The following MRPS35 variants were observed in gnomAD, a reference collection of about 807,000 sequenced individuals.
The protein encoded by MRPS35 is small ribosomal subunit protein mS35.
MRPS35 carries 29 observed loss-of-function variants against 32.7 expected under a neutral mutation model. The observed-to-expected ratio is 0.89, with a 90% CI of 0.66 to 1.21. MRPS35 has a LOEUF of 1.21. Ranked by LOEUF, MRPS35 falls within the 50% of genes most tolerant of loss-of-function variation. The probability of loss-of-function intolerance (pLI) is 0.00; values close to 1 mark genes in which losing one functional copy is unlikely to be tolerated. For synonymous variants in MRPS35, 148 were observed against 139.3 expected (o/e 1.06, Z -0.44); for missense variants, 373 against 383.8 (o/e 0.97, Z 0.23).
chr12:27,753,692 C>A (rs2062015171), intron 7 of MRPS35, among the ~76,000 whole-genome samples: 1 of 151,580 alleles, frequency 6.6e-6, no homozygotes. Flanking sequence ...GCCTGTAGCT[C>A]AGAATATTAT....
intron 5 of MRPS35, among the ~76,000 whole-genome samples, chr12:27,726,042 T>C (rs7969297): frequency 0.12 from 18,332 of 151,938 alleles, 1,385 homozygotes; most frequent in East Asian, 0.18. Context: ...ATTCCTGGAC[T>C]CAGGCGATCT....
Position 27,733,038 on chromosome 12 carries a change from A to ATATC in MRPS35, c.523-2408_523-2405dup, listed in dbSNP as rs1565468140. On this transcript the variant is annotated intron_variant, in intron 5 of 7. Coordinates refer to ENST00000081029, the MANE Select transcript of MRPS35 (RefSeq NM_021821.4). ...TATATATATATATATATATATATAT[A>ATATC]TATCCAGCACCTCCTGTGATTTGAA... Among the ~76,000 whole-genome samples, 20 of 76,118 alleles carry ATATC rather than the reference A, an allele frequency of 2.6e-4. 2 individuals are homozygous for ATATC. The highest frequency in any genetic ancestry group is 3.3e-4 in the Non-Finnish European group (13 of 39,104). The allele number at this position is 76,118 out of a possible 152,430, so 49.9% of individuals were successfully genotyped here.
chr12:27,727,743 C>T (rs191914284), intron 5 of MRPS35, among the ~76,000 whole-genome samples: 87 of 152,204 alleles, frequency 5.7e-4, no homozygotes, highest in African/African-American at 1.9e-3. Context: ...TTAGCTCTTA[C>T]ATTTAGATCT....
intron 6 of MRPS35, among the ~76,000 whole-genome samples, chr12:27,736,458 A>G (rs1353250472): frequency 3.3e-5 from 5 of 151,740 alleles, no homozygotes; most frequent in Admixed American, 2.0e-4. Context: ...AATGCCTTTA[A>G]AATGTTATTG....
intron 7 of MRPS35, among the ~76,000 whole-genome samples, chr12:27,748,438 GGTGTGTGTGT>G (rs35760106): frequency 1.0e-4 from 15 of 145,972 alleles, no homozygotes; most frequent in South Asian, 2.2e-4. Context: ...AAAGAAAAGT[GGTGTGTGTGT>G]GTGTGTGTGT....
intron 1 of MRPS35, among the ~76,000 whole-genome samples, chr12:27,711,626 C>T (rs1457433133): frequency 6.6e-6 from 1 of 151,948 alleles, no homozygotes; most frequent in African/African-American, 2.4e-5. Flanking sequence ...CTAATTTACT[C>T]TCCTCATACT....
intron 5 of MRPS35, among the ~76,000 whole-genome samples, chr12:27,726,338 T>C (rs2061900578): frequency 6.6e-6 from 1 of 152,158 alleles, no homozygotes; most frequent in Non-Finnish European, 1.5e-5. Context: ...TATCATTTCT[T>C]TTTATTGCCA....
intron 7 of MRPS35, among the ~76,000 whole-genome samples, chr12:27,747,555 A>G (rs2061985521): frequency 6.6e-6 from 1 of 152,160 alleles, no homozygotes; most frequent in Non-Finnish European, 1.5e-5. Context: ...CGTATTTTTT[A>G]TGATTTTCAA....
chr12:27,741,733 A>G (rs1319624913), intron 7 of MRPS35, among the ~76,000 whole-genome samples: 2 of 152,190 alleles, frequency 1.3e-5, no homozygotes, highest in Admixed American at 1.3e-4. Context: ...TTGCAAAGTG[A>G]CTTGCACAAA....
At chr12:27,755,050 C>T (rs1374267196) in intron 7 of MRPS35, 131 bp from the exon 8 acceptor site, 3 of 1,076,588 alleles carry the variant, frequency 2.8e-6, no homozygotes, top group African/African-American at 3.2e-5. Flanking sequence ...AGGGCCTCTC[C>T]ACATTTTGCA....
intron 7 of MRPS35, among the ~76,000 whole-genome samples, chr12:27,742,062 A>G (rs1408101442): frequency 6.6e-6 from 1 of 152,216 alleles, no homozygotes; most frequent in Non-Finnish European, 1.5e-5. Context: ...CAGGAATTCG[A>G]GTCCAGCTTG....
intron 1 of MRPS35, among the ~76,000 whole-genome samples, chr12:27,714,016 A>T (rs912295094): frequency 2.0e-5 from 3 of 150,750 alleles, no homozygotes; most frequent in African/African-American, 7.3e-5. Context: ...TCGAGGCTGC[A>T]GTAAGCCGAG....
At chr12:27,738,488 G>A (rs1341549874) in intron 7 of MRPS35, among the ~76,000 whole-genome samples, 3 of 152,262 alleles carry the variant, frequency 2.0e-5, no homozygotes, top group South Asian at 4.1e-4. Flanking sequence ...TTTCATGTAA[G>A]TATGTACATT....
At chr12:27,754,240 C>T (rs535250791) in intron 7 of MRPS35, among the ~76,000 whole-genome samples, 1 of 151,588 alleles carries the variant, frequency 6.6e-6, no homozygotes, top group African/African-American at 2.4e-5. Flanking sequence ...GGCAAGAGAG[C>T]GAGACTCTGT....
At chr12:27,720,667 T>C (rs2061870339) in intron 4 of MRPS35, among the ~76,000 whole-genome samples, 1 of 151,934 alleles carries the variant, frequency 6.6e-6, no homozygotes, top group Admixed American at 6.6e-5. Context: ...TATATACTTG[T>C]ATACTCTCTG....
At position 27,755,489 on chromosome 12, in the gene MRPS35, A is replaced by G. The variant is rs748906093; in HGVS notation, c.*39A>G. On this transcript the variant is annotated 3_prime_UTR_variant, in exon 8 of 8. Coordinates refer to ENST00000081029, the MANE Select transcript of MRPS35 (RefSeq NM_021821.4). ...AAAATCTGCTTGATTTATTAATTTT[A>G]TGATATATGTGATCAGTATCTAATT... is the stretch of plus-strand genomic sequence containing the variant. 4 of 1,462,224 alleles carry G rather than the reference A, an allele frequency of 2.7e-6. No individual in the cohort carries two copies. The highest frequency in any genetic ancestry group is 2.3e-5 in the East Asian group (1 of 42,842). 90.6% of individuals were successfully genotyped at this position (1,462,224 alleles called of 1,614,324 possible). A position where few individuals can be genotyped will look rare whatever the true frequency, so the allele number is the denominator to read the frequency against.
chr12:27,743,528 CAAAAT>C (rs1445867543), intron 7 of MRPS35, among the ~76,000 whole-genome samples: 3 of 152,110 alleles, frequency 2.0e-5, no homozygotes, highest in Non-Finnish European at 4.4e-5. Flanking sequence ...AACTCCATCT[CAAAAT>C]AAATAAATAA....
chr12:27,735,423 C>T lies in MRPS35; in HGVS notation c.523-24C>T, dbSNP rs376321527. 4.7e-6 allele frequency: 7 copies of T among 1,503,010 alleles called. No individual in the cohort carries two copies. In the South Asian group the frequency reaches 7.3e-5, roughly 16 times the overall value. The allele number at this position is 1,503,010 out of a possible 1,614,324, so 93.1% of individuals were successfully genotyped here. On this transcript the variant is annotated intron_variant, in intron 5 of 7. Coordinates refer to ENST00000081029, the MANE Select transcript of MRPS35 (RefSeq NM_021821.4). ...AAACAATTATATGAAATTATTTTTTCAAATAACTTTTCTTATTTTTAAGGT... is the reference window on the plus strand; with the variant it reads ...AAACAATTATATGAAATTATTTTTTTAAATAACTTTTCTTATTTTTAAGGT...
intron 7 of MRPS35, among the ~76,000 whole-genome samples, chr12:27,740,284 T>C (rs1348722970): frequency 6.6e-6 from 1 of 151,568 alleles, no homozygotes; most frequent in East Asian, 1.9e-4. Context: ...TTTTTTTTCT[T>C]CGAGTCAGGG....
Sources: allele counts gnomAD v4.1 joint callset (sites outside exome capture counted in the v4.1 genomes callset), GRCh38; gene constraint gnomAD v4.1.1; transcripts MANE v1.5; gene names NCBI Gene and HGNC (gene_info 2026-07-23, HGNC 2026-07-21).